CACNA1E: variants seen among roughly 807,000 people sequenced by gnomAD.
CACNA1E encodes calcium voltage-gated channel subunit alpha1 E, also known as voltage-dependent R-type calcium channel subunit alpha-1E.
CACNA1E carries 40 observed loss-of-function variants against 259.2 expected under a neutral mutation model. The observed-to-expected ratio is 0.15, with a 90% CI of 0.12 to 0.20. The LOEUF (loss-of-function observed/expected upper bound fraction) is 0.20. Among genes scored for constraint, CACNA1E ranks in the 10% least tolerant of loss-of-function variants. The pLI is 1.00. For synonymous variants in CACNA1E, 1,104 were observed against 1,138.5 expected, an observed-to-expected ratio of 0.97 and a Z score of 0.61; for missense variants, 1,874 against 3,040.1, an observed-to-expected ratio of 0.62 and a Z score of 9.02.
At chr1:181,605,619 C>T (rs1319473524) in intron 6 of CACNA1E, among the ~76,000 whole-genome samples, 1 of 152,166 alleles carries the variant, frequency 6.6e-6, no homozygotes, top group African/African-American at 2.4e-5. Flanking sequence ...AAGCACAAAT[C>T]GTATTGTCTA....
intron 1 of CACNA1E, among the ~76,000 whole-genome samples, chr1:181,411,859 C>G (rs528253618): frequency 3.6e-4 from 55 of 152,012 alleles, no homozygotes; most frequent in Non-Finnish European, 5.2e-4. Context: ...ATCTGCTCGC[C>G]TTGGTCTCCC....
intron 7 of CACNA1E, among the ~76,000 whole-genome samples, chr1:181,691,916 C>T (rs780557524): frequency 3.9e-5 from 6 of 152,082 alleles, no homozygotes; most frequent in Admixed American, 6.6e-5. Flanking sequence ...ATCTAGAAAA[C>T]TCTAAAGACT....
At chr1:181,533,175 T>C (rs1028554726) in intron 3 of CACNA1E, among the ~76,000 whole-genome samples, 2 of 151,946 alleles carry the variant, frequency 1.3e-5, no homozygotes, top group Non-Finnish European at 2.9e-5. Context: ...TCCAAGACTC[T>C]GATGAAGATG....
In CACNA1E at chr1:181,800,915, C is replaced by T. The variant is rs1384936031; in HGVS notation, c.*2081C>T. 6.5e-6 allele frequency: 1 copy of T among 152,674 alleles called. No individual in the cohort carries two copies. Among genetic ancestry groups the T allele is most frequent in the Non-Finnish European group, 1.5e-5 (1 of 68,064 alleles). The allele number at this position is 152,674 out of a possible 1,614,324, so 9.5% of individuals were successfully genotyped here. ...GCCAGTGAGGCAGAGACAGAGCTCTCCCACTCTCAGACCCTCTTTTGTCTT... is the reference window on the plus strand; with the variant it reads ...GCCAGTGAGGCAGAGACAGAGCTCTTCCACTCTCAGACCCTCTTTTGTCTT... On this transcript the variant is annotated 3_prime_UTR_variant, in exon 48 of 48. Transcript: ENST00000367573.
At chr1:181,668,674 T>C (rs1366841265) in intron 7 of CACNA1E, 2 of 152,186 alleles carry the variant, frequency 1.3e-5, no homozygotes. Context: ...TTAAATAATA[T>C]ACAATGAACA....
At chr1:181,419,974 C>T (rs1262943373) in intron 2 of CACNA1E, among the ~76,000 whole-genome samples, 1 of 152,122 alleles carries the variant, frequency 6.6e-6, no homozygotes, top group African/African-American at 2.4e-5. Flanking sequence ...AGACAGGATC[C>T]CTTTGGCTCT....
At chr1:181,797,631 A>G (rs1572921011) in intron 47 of CACNA1E, among the ~76,000 whole-genome samples, 1 of 152,102 alleles carries the variant, frequency 6.6e-6, no homozygotes, top group East Asian at 1.9e-4. Context: ...CTTTGAAAAG[A>G]CCCCTCTGTA....
At chr1:181,607,570 T>C (rs576820039) in intron 6 of CACNA1E, among the ~76,000 whole-genome samples, 4 of 152,332 alleles carry the variant, frequency 2.6e-5, no homozygotes, top group South Asian at 4.1e-4. Context: ...ATGGCTCTTA[T>C]TCTCTAGAAG....
rs532974894 is a variant in CACNA1E at position 181,485,319 on chromosome 1, T to A, written c.266+1309T>A. On this transcript the variant is annotated intron_variant, in intron 1 of 47. Coordinates refer to ENST00000367573, the MANE Select transcript of CACNA1E (RefSeq NM_001205293.3). The surrounding 1 kb of genome is among the most constrained non-coding windows in gnomAD (Gnocchi z 4.2). Reference sequence around the variant, plus strand: ...TTCCCCCAGGGCCTGGGCATCTCCCTACTCCCCCAACCCCAGTCTCTGGCC... The same window carrying A: ...TTCCCCCAGGGCCTGGGCATCTCCCAACTCCCCCAACCCCAGTCTCTGGCC... 6.6e-6 allele frequency among the ~76,000 whole-genome samples: 1 copy of A among 152,276 alleles called. No individual in the cohort carries two copies. The highest frequency in any genetic ancestry group is 1.5e-5 in the Non-Finnish European group (1 of 68,010).
intron 2 of CACNA1E, among the ~76,000 whole-genome samples, chr1:181,459,103 T>C (rs571314122): frequency 3.3e-5 from 5 of 152,212 alleles, no homozygotes; most frequent in Admixed American, 3.3e-4. Context: ...GGGTGGATGG[T>C]CCAGGAAGGC....
At chr1:181,371,646 A>T (rs2101959311) in intron 1 of CACNA1E, among the ~76,000 whole-genome samples, 1 of 152,342 alleles carries the variant, frequency 6.6e-6, no homozygotes, top group Admixed American at 6.5e-5. Flanking sequence ...AGACTTCATT[A>T]TGAAATCTTT....
chr1:181,704,177 A>T (rs1258091542), intron 7 of CACNA1E, among the ~76,000 whole-genome samples: 1 of 152,236 alleles, frequency 6.6e-6, no homozygotes, highest in African/African-American at 2.4e-5. Context: ...GGGATAAAGC[A>T]TAAACAACTT....
intron 6 of CACNA1E, among the ~76,000 whole-genome samples, chr1:181,624,005 G>A (rs1473491004): frequency 1.3e-5 from 2 of 152,190 alleles, no homozygotes; most frequent in African/African-American, 2.4e-5. Context: ...GCATGGCATT[G>A]GCGTCTGCCT....
chr1:181,704,050 T>C (rs1652549208), intron 7 of CACNA1E, among the ~76,000 whole-genome samples: 1 of 152,194 alleles, frequency 6.6e-6, no homozygotes, highest in Non-Finnish European at 1.5e-5. Flanking sequence ...CGTCGAGCAT[T>C]TGCATCACCC....
At position 181,798,278 on chromosome 1, in the gene CACNA1E, C is replaced by A; in HGVS notation, c.6400-14C>A. On this transcript the variant is annotated splice_polypyrimidine_tract_variant and intron_variant, in intron 47 of 47. Transcript: ENST00000367573. This position sits in a 1 kb window ranked among gnomAD's most constrained non-coding sequence, Gnocchi z 4.2. Reference sequence around the variant, plus strand: ...AAGCCCAATCTAACATGCCATGTCTCTCCTGCTATACAGGGCACAGGTTCC... The same window carrying A: ...AAGCCCAATCTAACATGCCATGTCTATCCTGCTATACAGGGCACAGGTTCC... 6.4e-7 allele frequency: 1 copy of A among 1,567,696 alleles called. No homozygotes were observed. Among genetic ancestry groups the A allele is most frequent in the African/African-American group, 1.3e-5 (1 of 74,240 alleles).
intron 6 of CACNA1E, among the ~76,000 whole-genome samples, chr1:181,604,479 GGGA>G (rs1253467532): frequency 6.6e-6 from 1 of 152,228 alleles, no homozygotes; most frequent in Non-Finnish European, 1.5e-5. Context: ...CATGGAAAGT[GGGA>G]GGAGAAGGAG....
intron 2 of CACNA1E, among the ~76,000 whole-genome samples, chr1:181,419,774 T>C (rs2102183398): frequency 6.6e-6 from 1 of 152,364 alleles, no homozygotes; most frequent in East Asian, 1.9e-4. Context: ...CTGAGTTCCC[T>C]GTGTCCACTG....
chr1:181,550,679 G>A (rs1232443410), intron 3 of CACNA1E, among the ~76,000 whole-genome samples: 2 of 152,094 alleles, frequency 1.3e-5, no homozygotes, highest in East Asian at 3.9e-4. Context: ...TGTTTGAGAA[G>A]CCCTGACCTT....
intron 25 of CACNA1E, among the ~76,000 whole-genome samples, chr1:181,746,397 A>T (rs1254865341): frequency 6.6e-6 from 1 of 152,238 alleles, no homozygotes; most frequent in African/African-American, 2.4e-5. Context: ...AGTCTGACTC[A>T]TTTGACTAGT....
Sources: allele counts gnomAD v4.1 joint callset (sites outside exome capture counted in the v4.1 genomes callset), GRCh38; gene constraint gnomAD v4.1.1; non-coding constraint Gnocchi (gnomAD v3.1); transcripts MANE v1.5; gene names NCBI Gene and HGNC (gene_info 2026-07-23, HGNC 2026-07-21).